Variants in IGFBP3 observed in about 807,000 individuals in gnomAD.
IGFBP3 encodes insulin-like growth factor-binding protein 3.
IGFBP3 carries 9 observed loss-of-function variants against 28.6 expected under a neutral mutation model. The observed-to-expected ratio is 0.31, with a 90% CI of 0.19 to 0.55. The LOEUF (loss-of-function observed/expected upper bound fraction) is 0.55. Among genes scored for constraint, IGFBP3 ranks in the 20% least tolerant of loss-of-function variants. The pLI, the probability that IGFBP3 is intolerant of heterozygous loss-of-function variation, is 0.93. For synonymous variants in IGFBP3, 185 were observed against 188.2 expected (o/e 0.98, Z 0.14); for missense variants, 382 against 428.9 (o/e 0.89, Z 0.97).
At chr7:45,917,471 G>T in intron 1 of IGFBP3, 32 bp from the exon 2 acceptor site, 1 of 1,524,016 alleles carries the variant, frequency 6.6e-7, no homozygotes, top group South Asian at 1.2e-5. Context: ...AAACACATGA[G>T]AGTCATCAAT....
intron 3 of IGFBP3, among the ~76,000 whole-genome samples, 160 bp downstream of exon 3, chr7:45,916,388 C>T (rs867738341): frequency 2.0e-5 from 3 of 152,138 alleles, no homozygotes; most frequent in African/African-American, 4.8e-5. Context: ...GTCAAAGCAG[C>T]CCTTGGTCTG....
chr7:45,919,925 C>G (rs1231787891), intron 1 of IGFBP3: 2 of 151,104 alleles, frequency 1.3e-5, no homozygotes, highest in Non-Finnish European at 2.9e-5. Context: ...CATTCCCCCC[C>G]CCATTTCAGA....
chr7:45,920,569 C>T, intron 1 of IGFBP3, 169 bp downstream of exon 1: 1 of 572,268 alleles, frequency 1.7e-6, no homozygotes, highest in Non-Finnish European at 2.7e-6. Flanking sequence ...TGGGGAGGGT[C>T]CCTCCGGCGA....
chr7:45,917,121 G>C (rs1583671063), intron 2 of IGFBP3, 92 bp downstream of exon 2: 1 of 1,046,234 alleles, frequency 9.6e-7, no homozygotes, highest in East Asian at 2.4e-5. Flanking sequence ...AGGCGCTGGG[G>C]TTTGTTGAGT....
intron 1 of IGFBP3, among the ~76,000 whole-genome samples, chr7:45,918,039 TA>T (rs1784637550): frequency 6.6e-6 from 1 of 152,142 alleles, no homozygotes; most frequent in Non-Finnish European, 1.5e-5. Flanking sequence ...AAAACTGAAT[TA>T]TTACCTGCAA....
rs1583667869 is a variant in IGFBP3, at chr7:45,912,386, T to C, written c.*1464A>G. The stretch of plus-strand genomic sequence containing the variant: ...TGGTAAAAACTTTATTTACTATTTA[T>C]AAATACATTGCAAGACAAACTTCTC... On this transcript the variant is annotated 3_prime_UTR_variant, in exon 5 of 5. Transcript: ENST00000613132. 1.3e-5 allele frequency: 2 copies of C among 152,228 alleles called. No homozygotes were observed. The highest frequency in any genetic ancestry group is 1.9e-4 in the East Asian group (1 of 5,190). 9.4% of individuals were successfully genotyped at this position (152,228 alleles called of 1,614,324 possible).
At chr7:45,916,513 GA>G in intron 3 of IGFBP3, 34 bp downstream of exon 3, 2 of 1,597,236 alleles carry the variant, frequency 1.3e-6, no homozygotes, top group South Asian at 1.1e-5. Context: ...TGTGTCAACA[GA>G]AGAGGAAGAA....
intron 1 of IGFBP3, 67 bp downstream of exon 1, chr7:45,920,671 A>G: frequency 7.8e-7 from 1 of 1,277,036 alleles, no homozygotes; most frequent in Non-Finnish European, 9.9e-7. Flanking sequence ...GCACCCAGCA[A>G]CCCCCAGGCC....
chr7:45,915,139 G>A (rs894098881), intron 3 of IGFBP3, 194 bp from the exon 4 acceptor site: 4 of 568,800 alleles, frequency 7.0e-6, no homozygotes, highest in Admixed American at 6.3e-5. Context: ...GCGTGTGGGT[G>A]TAACTTCCTG....
At chr7:45,915,335 T>G in intron 3 of IGFBP3, 1 of 193,168 alleles carries the variant, frequency 5.2e-6, no homozygotes, top group East Asian at 1.5e-4. Context: ...CTTCTCAGTA[T>G]GACTTTGTTG....
Position 45,917,354 on chromosome 7 carries a change from G to T in IGFBP3, c.489C>A (p.Pro163=), listed in dbSNP as rs746832365. Residue 163 remains proline (P), a synonymous_variant, in exon 2 of 5, where the codon CCC becomes CCA. Coordinates refer to ENST00000613132, the MANE Select transcript of IGFBP3 (RefSeq NM_000598.5). ...SVSSTHRVSD[P]KFHPLHSKII... ...TCTTTGAATGGAGGGGGTGGAACTT[G>T]GGATCAGACACCCGGTGCGTGCTGG... The T allele has an allele frequency of 6.8e-6, 11 of 1,613,960 alleles. No individual in the cohort carries two copies. The African/African-American group carries it at 1.5e-4, about 22-fold the overall frequency.
At chr7:45,917,034 A>G in intron 2 of IGFBP3, 179 bp downstream of exon 2, 1 of 608,004 alleles carries the variant, frequency 1.6e-6, no homozygotes, top group South Asian at 2.0e-5. Flanking sequence ...AGATTCTCCA[A>G]AAGGGTCAAT....
intron 1 of IGFBP3, chr7:45,920,361 C>T (rs964763097): frequency 1.7e-5 from 4 of 239,100 alleles, no homozygotes; most frequent in African/African-American, 4.5e-5. Flanking sequence ...CCCCCCATCC[C>T]CAAGCATCCC....
chr7:45,914,712 C>G, intron 4 of IGFBP3, 93 bp downstream of exon 4: 1 of 1,269,694 alleles, frequency 7.9e-7, no homozygotes, highest in Admixed American at 2.1e-5. Context: ...GTCTGTAAGC[C>G]TGGGGAAGGG....
At position 45,921,234 on chromosome 7, in the gene IGFBP3, G is replaced by A. The variant is rs1182790030; in HGVS notation, c.-94C>T. On this transcript the variant is annotated 5_prime_UTR_variant, in exon 1 of 5. Coordinates refer to ENST00000613132, the MANE Select transcript of IGFBP3 (RefSeq NM_000598.5). ...CGAAGCTGTGGAATCCAGGCAGGAA[G>A]CGGCTGATCCTCAGCGCCCAGCCGC... 1 of 1,400,224 alleles carries A rather than the reference G, an allele frequency of 7.1e-7. No homozygotes were observed. The allele number at this position is 1,400,224 out of a possible 1,614,324, so 86.7% of individuals were successfully genotyped here.
rs1407258980 is a variant in IGFBP3 at position 45,912,574 on chromosome 7, C to T, written c.*1276G>A. 1.3e-5 allele frequency: 2 copies of T among 152,598 alleles called. No individual in the cohort carries two copies. Among genetic ancestry groups the T allele is most frequent in the South Asian group, 2.1e-4 (1 of 4,830 alleles). 9.5% of individuals were successfully genotyped at this position (152,598 alleles called of 1,614,324 possible). A position where few individuals can be genotyped will look rare whatever the true frequency, so the allele number is the denominator to read the frequency against. On this transcript the variant is annotated 3_prime_UTR_variant, in exon 5 of 5. Coordinates refer to ENST00000613132, the MANE Select transcript of IGFBP3 (RefSeq NM_000598.5). The stretch of plus-strand genomic sequence containing the variant: ...CTCCCTGAGCCTGACTTTGCCAGAC[C>T]TTCTTGGGTTTGGCCTCCGGGAGAG...
At position 45,921,043 on chromosome 7, in the gene IGFBP3, C is replaced by T. The variant is rs546908264; in HGVS notation, c.98G>A (p.Gly33Asp). 1 of 1,441,198 alleles carries T rather than the reference C, an allele frequency of 6.9e-7. No individual in the cohort carries two copies. The highest frequency in any genetic ancestry group is 2.4e-4 in the Middle Eastern group (1 of 4,110). 89.3% of individuals were successfully genotyped at this position (1,441,198 alleles called of 1,614,324 possible). Residue 33 changes from glycine (G) to aspartate (D), a missense_variant, in exon 1 of 5, where the codon GGC becomes GAC. Gly to Asp is a moderately conservative substitution (Grantham distance 94). Coordinates refer to ENST00000613132, the MANE Select transcript of IGFBP3 (RefSeq NM_000598.5). ...PVARAGASSA[G>D]LGPVVRCEPC... ...CTCGCAGCGCACCACGGGACCCAAG[C>T]CCGCCGAGCTCGCGCCAGCCCGCGC...
At position 45,917,272 on chromosome 7, in the gene IGFBP3, C is replaced by G; in HGVS notation, c.571G>C (p.Glu191Gln). The change falls in exon 2 of 5, where the codon GAG (glutamate) becomes CAG (glutamine). Residue 191 changes from glutamate to glutamine, a missense_variant. Physicochemically the swap from Glu to Gln is conservative, Grantham distance 29 (BLOSUM62 2). Coordinates refer to ENST00000613132, the MANE Select transcript of IGFBP3 (RefSeq NM_000598.5). ...KDSQRYKVDY[E>Q]SQSTDTQNFS... is the part of the protein sequence containing the mutation. ...TTCTGGGTATCTGTGCTCTGAGACT[C>G]GTAGTCAACTTTGTAGCGCTGGCTG... 6.2e-7 allele frequency: 1 copy of G among 1,614,010 alleles called. No individual in the cohort carries two copies. Among genetic ancestry groups the G allele is most frequent in the Non-Finnish European group, 8.5e-7 (1 of 1,179,996 alleles).
In IGFBP3 at chr7:45,913,385, T is replaced by C. The variant is rs1198795177; in HGVS notation, c.*465A>G. The C allele has an allele frequency of 6.6e-6, 1 of 152,208 alleles. No homozygotes were observed. The highest frequency in any genetic ancestry group is 1.5e-5 in the Non-Finnish European group (1 of 68,104). The allele number at this position is 152,208 out of a possible 1,614,324, so 9.4% of individuals were successfully genotyped here. A position where few individuals can be genotyped will look rare whatever the true frequency, so the allele number is the denominator to read the frequency against. ...AGGCTGTGAGCTCCAGGAGCATGCG[T>C]TGGGATGTCCGGATGACCGGGGTTT... is the stretch of plus-strand genomic sequence containing the variant. On this transcript the variant is annotated 3_prime_UTR_variant, in exon 5 of 5. Coordinates refer to ENST00000613132, the MANE Select transcript of IGFBP3 (RefSeq NM_000598.5).
Sources: gnomAD v4.1 joint callset for allele counts (sites outside exome capture counted in the v4.1 genomes callset) on GRCh38, gnomAD v4.1.1 for gene constraint, MANE v1.5 for transcripts, NCBI Gene and HGNC (gene_info 2026-07-23, HGNC 2026-07-21) for gene names.